The following ANK1 variants were observed in gnomAD, a reference collection of about 807,000 sequenced individuals.
The protein encoded by ANK1 is ankyrin 1, also known as ankyrin-1.
ANK1 carries 51 observed loss-of-function variants against 210.4 expected under a neutral mutation model. That is an observed-to-expected ratio of 0.24 (90% CI 0.19 to 0.31). The LOEUF is 0.31. Ranked by LOEUF, ANK1 falls within the 10% of genes least tolerant of loss-of-function variation. The probability of loss-of-function intolerance (pLI) is 1.00; values close to 1 mark genes in which losing one functional copy is unlikely to be tolerated. For synonymous variants in ANK1, 967 were observed against 1,025.9 expected (o/e 0.94, Z 1.10); for missense variants, 2,051 against 2,504.4 (o/e 0.82, Z 3.86).
intron 22 of ANK1, 58 bp downstream of exon 22, chr8:41,701,492 G>T: frequency 6.5e-7 from 1 of 1,548,282 alleles, no homozygotes; most frequent in South Asian, 1.1e-5. Context: ...AAGCCCCCTT[G>T]GAGGGTGCCC....
chr8:41,665,079 G>A, intron 39 of ANK1: 4 of 1,595,724 alleles, frequency 2.5e-6, no homozygotes, highest in Non-Finnish European at 2.6e-6. Flanking sequence ...CCACCACGGG[G>A]GGCCTGCCTC....
intron 1 of ANK1, among the ~76,000 whole-genome samples, chr8:41,887,616 G>A (rs999643448): frequency 8.6e-5 from 13 of 151,984 alleles, no homozygotes; most frequent in Admixed American, 2.0e-4. Flanking sequence ...TCAATCACCC[G>A]GAAACACACA....
Position 41,740,305 on chromosome 8 carries a change from C to T in ANK1, c.130-6236G>A, listed in dbSNP as rs536737245. ...CCTCCCAAGTAGCTGGGATTACAGG[C>T]GTCTGCCACCACGCCTGGCTAATTT... On this transcript the variant is annotated intron_variant, in intron 2 of 42. Transcript: ENST00000289734. Among the ~76,000 whole-genome samples, 331 of 152,112 alleles carry T rather than the reference C, an allele frequency of 2.2e-3. 1 individual carries two copies. Among genetic ancestry groups the T allele is most frequent in the African/African-American group, 7.6e-3 (316 of 41,488 alleles).
At chr8:41,668,180 T>C in intron 39 of ANK1, 87 bp downstream of exon 39, 1 of 1,569,304 alleles carries the variant, frequency 6.4e-7, no homozygotes, top group East Asian at 2.2e-5. Flanking sequence ...AGCTCAGGGC[T>C]TGAGTGCCTG....
At chr8:41,761,300 C>T (rs10098289) in intron 1 of ANK1, among the ~76,000 whole-genome samples, 15,939 of 151,768 alleles carry the variant, frequency 0.11, 942 homozygotes, top group South Asian at 0.15. Flanking sequence ...GAGATGCATA[C>T]ACACACACGC....
Position 41,782,878 on chromosome 8 carries a change from C to T in ANK1, c.27+14634G>A, listed in dbSNP as rs146310090. Among the ~76,000 whole-genome samples, 362 of 152,258 alleles carry T rather than the reference C, an allele frequency of 2.4e-3. 1 individual carries two copies. The highest frequency in any genetic ancestry group is 7.9e-3 in the African/African-American group (329 of 41,538). On this transcript the variant is annotated intron_variant, in intron 1 of 42. Coordinates refer to ENST00000289734, the MANE Select transcript of ANK1 (RefSeq NM_000037.4). ...ACTTGATCATTAGATGCTGGCTGATCAGAAAGTCCCAAGATTTCTAACTAC... is the reference window on the plus strand; with the variant it reads ...ACTTGATCATTAGATGCTGGCTGATTAGAAAGTCCCAAGATTTCTAACTAC...
At chr8:41,810,033 G>C (rs1248325292) in intron 1 of ANK1, among the ~76,000 whole-genome samples, 1 of 152,174 alleles carries the variant, frequency 6.6e-6, no homozygotes, top group Non-Finnish European at 1.5e-5. Flanking sequence ...GGGGAGGGGG[G>C]ACAGGGAGAG....
chr8:41,726,863 A>G (rs1230439201), intron 5 of ANK1, among the ~76,000 whole-genome samples: 1 of 152,224 alleles, frequency 6.6e-6, no homozygotes, highest in East Asian at 1.9e-4. Flanking sequence ...GACAAGACTC[A>G]GGACCATAGC....
At chr8:41,776,824 G>A (rs1406501101) in intron 1 of ANK1, among the ~76,000 whole-genome samples, 1 of 152,210 alleles carries the variant, frequency 6.6e-6, no homozygotes, top group Admixed American at 6.5e-5. Flanking sequence ...ATGCACTTAA[G>A]CTCCTTTCAA....
chr8:41,869,380 C>T (rs1273327074), intron 1 of ANK1, among the ~76,000 whole-genome samples: 1 of 152,166 alleles, frequency 6.6e-6, no homozygotes, highest in African/African-American at 2.4e-5. Context: ...TTAATTCAGT[C>T]ATTCTGAGGC....
At chr8:41,890,934 A>G (rs956558750) in intron 1 of ANK1, among the ~76,000 whole-genome samples, 6 of 152,244 alleles carry the variant, frequency 3.9e-5, no homozygotes, top group African/African-American at 1.4e-4. Context: ...TATCTAGTGA[A>G]TGGTTATGTA....
At chr8:41,662,032 A>G in intron 40 of ANK1, 91 bp from the exon 41 acceptor site, 1 of 1,478,602 alleles carries the variant, frequency 6.8e-7, no homozygotes, top group Admixed American at 1.8e-5. Flanking sequence ...GCTGACGTGC[A>G]GATCATCTGA....
At chr8:41,748,014 C>A (rs946574458) in intron 2 of ANK1, among the ~76,000 whole-genome samples, 26 of 152,162 alleles carry the variant, frequency 1.7e-4, no homozygotes, top group Non-Finnish European at 3.7e-4. Flanking sequence ...CAGTCCTGGG[C>A]TCTGAGACTC....
intron 1 of ANK1, among the ~76,000 whole-genome samples, chr8:41,775,773 G>C (rs1038085652): frequency 1.3e-5 from 2 of 152,122 alleles, no homozygotes; most frequent in Admixed American, 6.5e-5. Flanking sequence ...TGTAGTCCCA[G>C]CTACCCGGGA....
chr8:41,687,553 C>G (rs1355863608), intron 35 of ANK1, among the ~76,000 whole-genome samples: 2 of 152,212 alleles, frequency 1.3e-5, no homozygotes, highest in Non-Finnish European at 2.9e-5. Flanking sequence ...AAGCCCTTAA[C>G]AGCCCGAGCC....
chr8:41,703,947 G>T, intron 20 of ANK1, 94 bp downstream of exon 20: 1 of 1,209,058 alleles, frequency 8.3e-7, no homozygotes, highest in Non-Finnish European at 1.2e-6. Flanking sequence ...CCAGGCCCTA[G>T]ACACGTGCAT....
rs1354826952 is a variant in ANK1, at chr8:41,659,703, A to AC, written c.*36+1726dup. ...ACCACTGCTCTCGCCCCACCGCCCC[A>AC]CCCCCCTGCCACCCTCACACTTGTC... On this transcript the variant is annotated intron_variant, in intron 42 of 42. Transcript: ENST00000289734. 2.3e-4 allele frequency among the ~76,000 whole-genome samples: 20 copies of AC among 87,744 alleles called. 1 individual carries two copies. The allele number at this position is 87,744 out of a possible 152,430, so 57.6% of individuals were successfully genotyped here.
At chr8:41,881,879 G>T (rs1433574978) in intron 1 of ANK1, among the ~76,000 whole-genome samples, 1 of 152,186 alleles carries the variant, frequency 6.6e-6, no homozygotes, top group African/African-American at 2.4e-5. Context: ...AGCCAACACA[G>T]ATGGTCCTTG....
chr8:41,880,882 T>C (rs1817465669), intron 1 of ANK1, among the ~76,000 whole-genome samples: 1 of 152,264 alleles, frequency 6.6e-6, no homozygotes, highest in South Asian at 2.1e-4. Flanking sequence ...TCGCAGGCTC[T>C]GCACTTTGCT....
Sources: gnomAD v4.1 joint callset for allele counts (sites outside exome capture counted in the v4.1 genomes callset) on GRCh38, gnomAD v4.1.1 for gene constraint, MANE v1.5 for transcripts, NCBI Gene and HGNC (gene_info 2026-07-23, HGNC 2026-07-21) for gene names.